LUZP2: variants seen among roughly 807,000 people sequenced by gnomAD.
LUZP2 encodes leucine zipper protein 2.
A neutral mutation model predicts 51.6 loss-of-function variants in LUZP2; 52 were observed. The observed-to-expected ratio is 1.01, with a 90% CI of 0.81 to 1.27. The LOEUF is 1.27. Ranked by LOEUF, LUZP2 falls within the 50% of genes most tolerant of loss-of-function variation. LUZP2 has a pLI of 0.00. For missense variants in LUZP2, 436 were observed against 395.4 expected, an observed-to-expected ratio of 1.10 and a Z score of -0.87; for synonymous variants, 154 against 137.3, an observed-to-expected ratio of 1.12 and a Z score of -0.85.
chr11:24,876,089 C>T (rs1852251937), intron 5 of LUZP2, among the ~76,000 whole-genome samples: 1 of 151,826 alleles, frequency 6.6e-6, no homozygotes, highest in African/African-American at 2.4e-5. Context: ...TTTTGCTGTG[C>T]AGAAGCTCTT....
intron 2 of LUZP2, among the ~76,000 whole-genome samples, chr11:24,730,138 A>G (rs1430489328): frequency 6.6e-6 from 1 of 151,006 alleles, no homozygotes; most frequent in Non-Finnish European, 1.5e-5. Context: ...TGATGGTGGT[A>G]GTGGTGGTGG....
At chr11:24,555,825 A>C (rs867809374) in intron 1 of LUZP2, among the ~76,000 whole-genome samples, 1 of 152,146 alleles carries the variant, frequency 6.6e-6, no homozygotes. Context: ...TAAAGAATAA[A>C]AAAATTAGCT....
At chr11:24,945,090 A>C (rs1394942562) in intron 7 of LUZP2, among the ~76,000 whole-genome samples, 1 of 152,172 alleles carries the variant, frequency 6.6e-6, no homozygotes, top group African/African-American at 2.4e-5. Context: ...TACTTGCCAG[A>C]TGCCACTGGC....
chr11:24,507,917 G>A (rs928591117), intron 1 of LUZP2, among the ~76,000 whole-genome samples: 2 of 151,664 alleles, frequency 1.3e-5, no homozygotes, highest in Non-Finnish European at 2.9e-5. Context: ...TTGCCCTAGT[G>A]CCTAAACTCT....
intron 8 of LUZP2, among the ~76,000 whole-genome samples, chr11:24,979,528 G>A (rs1047964628): frequency 9.2e-5 from 14 of 151,636 alleles, no homozygotes; most frequent in Non-Finnish European, 1.5e-4. Context: ...TACTTCATAC[G>A]TATTATGAAA....
At chr11:24,687,403 T>G (rs1467851603) in intron 1 of LUZP2, among the ~76,000 whole-genome samples, 1 of 152,180 alleles carries the variant, frequency 6.6e-6, no homozygotes, top group Non-Finnish European at 1.5e-5. Flanking sequence ...ATTTACTATG[T>G]GCTTGATCCT....
intron 1 of LUZP2, among the ~76,000 whole-genome samples, chr11:24,691,676 G>C (rs1486946906): frequency 6.6e-6 from 1 of 151,978 alleles, no homozygotes; most frequent in Non-Finnish European, 1.5e-5. Context: ...AGAGCAAAGA[G>C]TACCATTGTA....
chr11:24,963,218 G>A (rs538608667), intron 7 of LUZP2, among the ~76,000 whole-genome samples: 25 of 152,312 alleles, frequency 1.6e-4, no homozygotes, highest in South Asian at 1.5e-3. Context: ...CAGGGGTCAC[G>A]GACCCACTTG....
chr11:24,550,759 G>C (rs978218660), intron 1 of LUZP2, among the ~76,000 whole-genome samples: 1 of 151,972 alleles, frequency 6.6e-6, no homozygotes, highest in African/African-American at 2.4e-5. Context: ...CCTTCCAAAT[G>C]GTTTAACTCT....
rs75104443 is a variant in LUZP2 at position 24,967,243 on chromosome 11, A to C, written c.523-9348A>C. Among the ~76,000 whole-genome samples the C allele has an allele frequency of 4.3e-3, 649 of 152,038 alleles. 4 individuals carry two copies. The highest frequency in any genetic ancestry group is 0.015 in the African/African-American group (605 of 41,564). On this transcript the variant is annotated intron_variant, in intron 7 of 11. Coordinates refer to ENST00000336930, the MANE Select transcript of LUZP2 (RefSeq NM_001009909.4). ...ACCAAAGTAATCCTGTGGGAATTAC[A>C]GTCTGTTTGTATTTTATCTGTACAT...
intron 5 of LUZP2, among the ~76,000 whole-genome samples, chr11:24,894,802 T>A (rs1442575694): frequency 2.0e-5 from 3 of 152,224 alleles, no homozygotes; most frequent in Admixed American, 2.0e-4. Flanking sequence ...CTAGACTTTA[T>A]GTATGATAGG....
intron 4 of LUZP2, among the ~76,000 whole-genome samples, chr11:24,749,742 C>T (rs952958055): frequency 1.1e-4 from 17 of 152,188 alleles, no homozygotes; most frequent in Admixed American, 7.2e-4. Flanking sequence ...ATTTCTCCTG[C>T]CCTTGGACAT....
chr11:24,873,980 G>GA (rs200786210), intron 5 of LUZP2, among the ~76,000 whole-genome samples: 2 of 121,066 alleles, frequency 1.7e-5, no homozygotes, highest in South Asian at 6.0e-4. Flanking sequence ...AGCAACCATA[G>GA]AAAAAAAAGA....
chr11:24,651,132 G>C (rs1454494260), intron 1 of LUZP2, among the ~76,000 whole-genome samples: 1 of 151,928 alleles, frequency 6.6e-6, no homozygotes, highest in Non-Finnish European at 1.5e-5. Flanking sequence ...GGTGGATTTT[G>C]CTTCATTTAT....
chr11:24,683,796 C>T (rs1306702391), intron 1 of LUZP2, among the ~76,000 whole-genome samples: 2 of 152,178 alleles, frequency 1.3e-5, no homozygotes, highest in East Asian at 3.9e-4. Flanking sequence ...ACTCATCTCA[C>T]TTCCTTTAAT....
At chr11:24,596,638 G>A (rs566835523) in intron 1 of LUZP2, among the ~76,000 whole-genome samples, 2 of 152,234 alleles carry the variant, frequency 1.3e-5, no homozygotes, top group South Asian at 4.1e-4. Flanking sequence ...TATTTAGTCA[G>A]GAATCCATAA....
chr11:24,894,394 C>T (rs12282410), intron 5 of LUZP2, among the ~76,000 whole-genome samples: 45 of 151,978 alleles, frequency 3.0e-4, no homozygotes, highest in Non-Finnish European at 5.6e-4. Context: ...AGCCTGGTAT[C>T]GAATTCCTGA....
At chr11:24,540,204 T>C (rs1217160586) in intron 1 of LUZP2, among the ~76,000 whole-genome samples, 1 of 152,146 alleles carries the variant, frequency 6.6e-6, no homozygotes, top group African/African-American at 2.4e-5. Flanking sequence ...TGTCTCTCTT[T>C]ACAATTACGA....
At chr11:24,540,691 C>T (rs1355317691) in intron 1 of LUZP2, among the ~76,000 whole-genome samples, 1 of 151,966 alleles carries the variant, frequency 6.6e-6, no homozygotes, top group Non-Finnish European at 1.5e-5. Flanking sequence ...ATAATTTTTA[C>T]CTTGGTACTA....
Sources: allele counts gnomAD v4.1 joint callset (sites outside exome capture counted in the v4.1 genomes callset), GRCh38; gene constraint gnomAD v4.1.1; transcripts MANE v1.5; gene names NCBI Gene and HGNC (gene_info 2026-07-23, HGNC 2026-07-21).